The following RINT1 variants were observed in gnomAD, a reference collection of about 807,000 sequenced individuals.
The protein encoded by RINT1 is RAD50-interacting protein 1.
In RINT1, 75 loss-of-function variants were observed where a neutral mutation model predicts 97.7. That is an observed-to-expected ratio of 0.77 (90% CI 0.64 to 0.93). The LOEUF is 0.93. Among genes scored for constraint, RINT1 ranks in the 40% least tolerant of loss-of-function variants. The probability of loss-of-function intolerance (pLI) is 0.00; values close to 1 mark genes in which losing one functional copy is unlikely to be tolerated. For missense variants in RINT1, 892 were observed against 925.2 expected, an observed-to-expected ratio of 0.96 and a Z score of 0.47; for synonymous variants, 303 against 326.3, an observed-to-expected ratio of 0.93 and a Z score of 0.77.
intron 11 of RINT1, among the ~76,000 whole-genome samples, chr7:105,557,737 A>G (rs1284934711): frequency 1.3e-5 from 2 of 152,126 alleles, no homozygotes; most frequent in African/African-American, 4.8e-5. Context: ...AACAAAAACC[A>G]TTTTTATTTA....
chr7:105,554,461 T>C (rs1471414723), intron 10 of RINT1, among the ~76,000 whole-genome samples: 1 of 151,096 alleles, frequency 6.6e-6, no homozygotes, highest in Non-Finnish European at 1.5e-5. Context: ...TTTTGTTAGA[T>C]GGAGTCTCAC....
rs1453040547 is a variant in RINT1 at position 105,563,505 on chromosome 7, T to C, written c.1672-228T>C. ...TGCCACCACACCCGGCTTATTTTTG[T>C]ATTTTTAGTAGAGTTGGAGTTTCAC... On this transcript the variant is annotated intron_variant, in intron 11 of 14. Coordinates refer to ENST00000257700, the MANE Select transcript of RINT1 (RefSeq NM_021930.6). 2.0e-5 allele frequency among the ~76,000 whole-genome samples: 3 copies of C among 152,134 alleles called. No individual in the cohort carries two copies. In the East Asian group the frequency reaches 5.8e-4, roughly 29 times the overall value.
chr7:105,543,934 CA>C (rs1243487350), intron 4 of RINT1, among the ~76,000 whole-genome samples: 245 of 131,988 alleles, frequency 1.9e-3, no homozygotes, highest in Admixed American at 1.7e-3. Flanking sequence ...ACTAAAAATA[CA>C]AAAAAAAAAA....
intron 11 of RINT1, among the ~76,000 whole-genome samples, chr7:105,558,293 C>A (rs77716679): frequency 7.5e-4 from 104 of 139,150 alleles, no homozygotes; most frequent in East Asian, 1.5e-3. Context: ...AAAACAGTCT[C>A]AAAAAAAAAA....
At chr7:105,551,099 G>A (rs1790905855) in intron 9 of RINT1, among the ~76,000 whole-genome samples, 1 of 152,102 alleles carries the variant, frequency 6.6e-6, no homozygotes, top group Admixed American at 6.6e-5. Context: ...GCCGATCATG[G>A]CTTACTGCAG....
intron 2 of RINT1, among the ~76,000 whole-genome samples, chr7:105,534,349 A>C (rs546839376): frequency 6.6e-6 from 1 of 152,090 alleles, no homozygotes; most frequent in Non-Finnish European, 1.5e-5. Flanking sequence ...GATTATAGGC[A>C]TGAGCCACTG....
Position 105,565,285 on chromosome 7 carries a change from C to T in RINT1, c.1895C>T (p.Ser632Phe). The T allele has an allele frequency of 6.3e-7, 1 of 1,587,242 alleles. No homozygotes were observed. The highest frequency in any genetic ancestry group is 8.6e-7 in the Non-Finnish European group (1 of 1,164,256). ...AAATGTGTTTTTTCCAGATGGTTGT[C>T]CTTGCCATCTCAGTCAGAGCAGGCA... is the stretch of plus-strand genomic sequence containing the variant. ...AKLYKKERWLSLPSQSEQAVM... is the reference protein window; with the variant it reads ...AKLYKKERWLFLPSQSEQAVM... The change falls in exon 13 of 15, where the codon TCC (serine) becomes TTC (phenylalanine). Residue 632 changes from serine to phenylalanine, a missense_variant. By Grantham distance (155) the Ser-to-Phe change is radical. Transcript: ENST00000257700.
At chr7:105,553,972 C>T (rs944020863) in intron 10 of RINT1, among the ~76,000 whole-genome samples, 1 of 142,772 alleles carries the variant, frequency 7.0e-6, no homozygotes, top group Non-Finnish European at 1.5e-5. Context: ...CATCTCAGCT[C>T]ACCGCAAGCT....
intron 10 of RINT1, among the ~76,000 whole-genome samples, chr7:105,552,444 G>A (rs1790967908): frequency 6.6e-6 from 1 of 151,970 alleles, no homozygotes; most frequent in South Asian, 2.1e-4. Flanking sequence ...TACAGTGCAG[G>A]GATTCTCTGG....
intron 4 of RINT1, among the ~76,000 whole-genome samples, chr7:105,542,884 CT>C (rs1380102850): frequency 7.2e-6 from 1 of 138,978 alleles, no homozygotes; most frequent in African/African-American, 3.0e-5. Context: ...GTACGTTAAA[CT>C]TTTAAGTTTT....
At position 105,567,335 on chromosome 7, in the gene RINT1, T is replaced by C. The variant is rs1586279165; in HGVS notation, c.*24T>C. On this transcript the variant is annotated 3_prime_UTR_variant, in exon 15 of 15. Transcript: ENST00000257700. ...AATGTCTTTCAGAAAAAGGTTTCTTTGGTTTTTGTTTCTAAGAAAGAGGAA... is the reference window on the plus strand; with the variant it reads ...AATGTCTTTCAGAAAAAGGTTTCTTCGGTTTTTGTTTCTAAGAAAGAGGAA... 6.5e-7 allele frequency: 1 copy of C among 1,526,736 alleles called. No individual in the cohort carries two copies. Among genetic ancestry groups the C allele is most frequent in the Admixed American group, 2.0e-5 (1 of 50,632 alleles). 94.6% of individuals were successfully genotyped at this position (1,526,736 alleles called of 1,614,324 possible).
Position 105,547,009 on chromosome 7 carries a change from T to C in RINT1, c.615T>C (p.Ser205=). The C allele has an allele frequency of 1.2e-6, 2 of 1,614,000 alleles. No individual in the cohort carries two copies. The highest frequency in any genetic ancestry group is 1.7e-6 in the Non-Finnish European group (2 of 1,179,870). Residue 205 remains serine, a synonymous_variant, in exon 5 of 15, where the codon TCT becomes TCC. Transcript: ENST00000257700. ...TTGACATTAAACTTCAGGAATCATC[T>C]TGTACTCATCTTCTTGGTTTCATGA... is the stretch of plus-strand genomic sequence containing the variant. ...AELDIKLQES[S]CTHLLGFMRA... is the part of the protein sequence containing the mutation.
rs1008957649 is a variant in RINT1 at position 105,556,869 on chromosome 7, T to G, written c.1671+1642T>G. On this transcript the variant is annotated intron_variant, in intron 11 of 14. Transcript: ENST00000257700. Reference sequence around the variant, plus strand: ...TTCCAAACAAAAGTCTAATTAGCCTTTATAACCTTGACATAGACAGATGAA... The same window carrying G: ...TTCCAAACAAAAGTCTAATTAGCCTGTATAACCTTGACATAGACAGATGAA... Among the ~76,000 whole-genome samples the G allele has an allele frequency of 7.2e-5, 11 of 152,362 alleles. No homozygotes were observed. In the East Asian group the frequency reaches 2.1e-3, roughly 29 times the overall value.
intron 4 of RINT1, among the ~76,000 whole-genome samples, chr7:105,545,645 C>T (rs976043500): frequency 6.6e-6 from 1 of 151,732 alleles, no homozygotes; most frequent in Non-Finnish European, 1.5e-5. Context: ...CCTGCCTCAG[C>T]CTCCTGAGTA....
chr7:105,542,755 T>C (rs1790511842), intron 4 of RINT1, 106 bp downstream of exon 4: 1 of 1,127,804 alleles, frequency 8.9e-7, no homozygotes. Flanking sequence ...AAGATTATAA[T>C]AATATAATTT....
intron 3 of RINT1, among the ~76,000 whole-genome samples, chr7:105,540,506 C>T (rs6961863): frequency 0.2 from 30,054 of 152,028 alleles, 3,194 homozygotes; most frequent in South Asian, 0.26. Flanking sequence ...AAGTGATCCA[C>T]CAGCTTCTGC....
At chr7:105,545,153 C>G (rs988090293) in intron 4 of RINT1, among the ~76,000 whole-genome samples, 3 of 151,954 alleles carry the variant, frequency 2.0e-5, no homozygotes, top group African/African-American at 4.8e-5. Context: ...TCATTCCTTC[C>G]TTAAAAGCAG....
chr7:105,565,507 A>T (rs750663952), intron 13 of RINT1, 23 bp from the exon 14 acceptor site: 1 of 1,610,676 alleles, frequency 6.2e-7, no homozygotes, highest in Non-Finnish European at 8.5e-7. Context: ...GACAACTGTT[A>T]TATGAATTAT....
intron 6 of RINT1, among the ~76,000 whole-genome samples, chr7:105,548,244 G>A (rs979596447): frequency 2.6e-5 from 4 of 151,318 alleles, no homozygotes; most frequent in Admixed American, 6.6e-5. Flanking sequence ...GCCTAGGCAC[G>A]TCTCAAATTC....
Sources: allele counts gnomAD v4.1 joint callset (sites outside exome capture counted in the v4.1 genomes callset), GRCh38; gene constraint gnomAD v4.1.1; transcripts MANE v1.5; gene names NCBI Gene and HGNC (gene_info 2026-07-23, HGNC 2026-07-21).